MTOR: variants seen among roughly 807,000 people sequenced by gnomAD.
MTOR encodes the protein serine/threonine-protein kinase mTOR.
A neutral mutation model predicts 319.8 loss-of-function variants in MTOR; 70 were observed. That is an observed-to-expected ratio of 0.22 (90% CI 0.18 to 0.27). The LOEUF (loss-of-function observed/expected upper bound fraction) is 0.27, where lower values mean the gene tolerates loss of function less well. MTOR is among the 10% of genes least tolerant of loss of function. The probability of loss-of-function intolerance (pLI) is 1.00; values close to 1 mark genes in which losing one functional copy is unlikely to be tolerated. For synonymous variants in MTOR, 1,183 were observed against 1,211.4 expected (o/e 0.98, Z 0.49); for missense variants, 1,890 against 3,274.4 (o/e 0.58, Z 10.32).
At chr1:11,134,071 A>C (rs1643289243) in intron 37 of MTOR, among the ~76,000 whole-genome samples, 1 of 151,042 alleles carries the variant, frequency 6.6e-6, no homozygotes, top group Non-Finnish European at 1.5e-5. Flanking sequence ...AAAAAAAAAA[A>C]AGGGAGGGGC....
rs779092282 is a variant in MTOR at position 11,258,593 on chromosome 1, T to C, written c.163A>G (p.Met55Val). The C allele has an allele frequency of 1.2e-6, 2 of 1,606,664 alleles. No homozygotes were observed. The highest frequency in any genetic ancestry group is 1.7e-6 in the Non-Finnish European group (2 of 1,174,236). Residue 55 changes from methionine to valine, a missense_variant and splice_region_variant, in exon 3 of 58, where the codon ATG (methionine) becomes GTG (valine). Coordinates refer to ENST00000361445, the MANE Select transcript of MTOR (RefSeq NM_004958.4). Reference sequence around the variant, plus strand: ...AAGCGAGTAGACTCCTCTTGACTCATCTGCAAAAGAAGATATAATCAGAAC... The same window carrying C: ...AAGCGAGTAGACTCCTCTTGACTCACCTGCAAAAGAAGATATAATCAGAAC... The part of the protein sequence containing the change: ...QHYVTMELRE[M>V]SQEESTRFYD...
In MTOR at chr1:11,134,342, G is replaced by A. The variant is rs192160564; in HGVS notation, c.5246+9C>T. On this transcript the variant is annotated intron_variant, in intron 37 of 57. Transcript: ENST00000361445. ...AATATGACTTGCCCCAGGTCAGTGG[G>A]GACCTCACCGGGCCATGAGCTTGTG... 4,628 of 1,612,576 alleles carry A rather than the reference G, an allele frequency of 2.9e-3. 146 individuals carry two copies. The Admixed American group carries it at 0.062, about 22-fold the overall frequency.
chr1:11,233,304 T>G, intron 15 of MTOR, 94 bp downstream of exon 15: 1 of 1,188,626 alleles, frequency 8.4e-7, no homozygotes, highest in Non-Finnish European at 1.2e-6. Flanking sequence ...TGTGAGACCT[T>G]TCATTTAAAA....
intron 53 of MTOR, among the ~76,000 whole-genome samples, chr1:11,113,222 C>G (rs1038401336): frequency 6.6e-6 from 1 of 152,130 alleles, no homozygotes; most frequent in African/African-American, 2.4e-5. Flanking sequence ...GGTGGCAGAA[C>G]AAAGGGTAGA....
In MTOR at chr1:11,225,697, T is replaced by C. The variant is rs571302907; in HGVS notation, c.3030+2971A>G. On this transcript the variant is annotated intron_variant, in intron 19 of 57. Transcript: ENST00000361445. ...TTGGCCTCCCAAAGTGCTGGGATTA[T>C]AGGCATGAGCCACCGCACCTGGCCG... 1.7e-4 allele frequency among the ~76,000 whole-genome samples: 26 copies of C among 152,194 alleles called. No homozygotes were observed. The South Asian group carries it at 5.2e-3, about 30-fold the overall frequency.
At chr1:11,219,832 T>C (rs1240270735) in intron 19 of MTOR, among the ~76,000 whole-genome samples, 1 of 151,766 alleles carries the variant, frequency 6.6e-6, no homozygotes, top group African/African-American at 2.4e-5. Context: ...AAGACCAGCC[T>C]GGGCAACATG....
At chr1:11,156,886 A>G (rs1644335374) in intron 30 of MTOR, among the ~76,000 whole-genome samples, 1 of 152,224 alleles carries the variant, frequency 6.6e-6, no homozygotes, top group Non-Finnish European at 1.5e-5. Context: ...GAGAGTAGAC[A>G]GGAGAAGTAG....
At chr1:11,194,349 T>C in intron 28 of MTOR, 1 of 984,572 alleles carries the variant, frequency 1.0e-6, no homozygotes, top group Non-Finnish European at 1.6e-6. Flanking sequence ...CTTATTAGAT[T>C]CACACCTATA....
Position 11,231,328 on chromosome 1 carries a change from G to A in MTOR, c.2621C>T (p.Thr874Ile), listed in dbSNP as rs1268301996. Residue 874 changes from threonine (T) to isoleucine (I), a missense_variant, in exon 17 of 58, where the codon ACT becomes ATT. Thr to Ile is a moderately conservative substitution (Grantham distance 89). Coordinates refer to ENST00000361445, the MANE Select transcript of MTOR (RefSeq NM_004958.4). ...TCTGCGTGTACCCTGGTTCTGCTCA[G>A]TCTTCAGAAAATTCAGTAGCACCTC... ...LLEVLLNFLK[T>I]EQNQGTRREA... is the part of the protein sequence containing the mutation. The A allele has an allele frequency of 1.2e-6, 2 of 1,613,992 alleles. No individual in the cohort carries two copies. The highest frequency in any genetic ancestry group is 1.7e-6 in the Non-Finnish European group (2 of 1,180,018).
At chr1:11,228,016 G>A (rs1378175582) in intron 19 of MTOR, among the ~76,000 whole-genome samples, 3 of 152,100 alleles carry the variant, frequency 2.0e-5, no homozygotes, top group Non-Finnish European at 4.4e-5. Context: ...CCAGTAAGAA[G>A]CATTCAACTT....
chr1:11,228,955 T>A (rs1646933239), intron 18 of MTOR, 37 bp from the exon 19 acceptor site: 1 of 1,606,302 alleles, frequency 6.2e-7, no homozygotes, highest in Non-Finnish European at 8.5e-7. Context: ...GAGCTACACA[T>A]GGCATGACGT....
At position 11,128,884 on chromosome 1, in the gene MTOR, T is replaced by C. The variant is rs1338398054; in HGVS notation, c.5782A>G (p.Lys1928Glu). The C allele has an allele frequency of 6.2e-7, 1 of 1,613,978 alleles. No individual in the cohort carries two copies. Among genetic ancestry groups the C allele is most frequent in the Admixed American group, 1.7e-5 (1 of 60,002 alleles). Residue 1928 changes from lysine to glutamate, a missense_variant, in exon 41 of 58, where the codon AAA becomes GAA. Coordinates refer to ENST00000361445, the MANE Select transcript of MTOR (RefSeq NM_004958.4). This position sits in a 1 kb window ranked among gnomAD's most constrained non-coding sequence, Gnocchi z 5.3. ...DVNEALVEGV[K>E]AIQIDTWLQV... ...AGCCAGGTATCAATCTGGATGGCTT[T>C]CACCCCCTCCACTAAGGCCTCATTG...
rs1484051539 is a variant in MTOR, at chr1:11,247,652, C to T, written c.1198G>A (p.Ala400Thr). The change falls in exon 8 of 58, where the codon GCT becomes ACT. Residue 400 changes from alanine to threonine, a missense_variant. This residue lies in a region of MTOR where 418 missense variants were observed against 543.1 expected (regional missense o/e 0.77). Transcript: ENST00000361445. ...MTILNLLPRL[A>T]AFRPSAFTDT... ...GTGAAGGCAGAAGGTCGGAATGCAG[C>T]CAAGCGGGGCAACAAATTAAGGATT... is the stretch of plus-strand genomic sequence containing the variant. 9 of 1,613,994 alleles carry T rather than the reference C, an allele frequency of 5.6e-6. No homozygotes were observed. The highest frequency in any genetic ancestry group is 7.6e-6 in the Non-Finnish European group (9 of 1,180,048).
intron 19 of MTOR, among the ~76,000 whole-genome samples, chr1:11,227,556 A>G (rs1646885504): frequency 1.3e-5 from 2 of 152,160 alleles, no homozygotes; most frequent in Non-Finnish European, 2.9e-5. Flanking sequence ...CAGGAACTAC[A>G]AAGCTACTCT....
At chr1:11,244,500 G>A (rs1648553823) in intron 8 of MTOR, among the ~76,000 whole-genome samples, 1 of 151,604 alleles carries the variant, frequency 6.6e-6, no homozygotes, top group South Asian at 2.1e-4. Flanking sequence ...AGGCATGGTA[G>A]TGCGCCTGTA....
chr1:11,203,829 T>G (rs760051807), intron 26 of MTOR, among the ~76,000 whole-genome samples: 3 of 152,162 alleles, frequency 2.0e-5, no homozygotes, highest in Non-Finnish European at 4.4e-5. Flanking sequence ...GTGGCTGCCT[T>G]GAGCAACAGG....
At chr1:11,220,429 G>C (rs1437589414) in intron 19 of MTOR, among the ~76,000 whole-genome samples, 3 of 152,062 alleles carry the variant, frequency 2.0e-5, no homozygotes, top group Non-Finnish European at 4.4e-5. Context: ...TAAAAAGAGG[G>C]TGAAATAAAG....
chr1:11,114,177 G>T, intron 53 of MTOR, 141 bp downstream of exon 53: 3 of 947,184 alleles, frequency 3.2e-6, no homozygotes, highest in Non-Finnish European at 4.7e-6. Context: ...TTCAGTTTTT[G>T]CAGAAAGGGG....
chr1:11,213,828 T>C (rs1646385870), intron 20 of MTOR, among the ~76,000 whole-genome samples: 3 of 152,202 alleles, frequency 2.0e-5, no homozygotes, highest in Non-Finnish European at 4.4e-5. Context: ...CTGCCTAGAA[T>C]CCCACTTCTT....
Sources: gnomAD v4.1 joint callset for allele counts (sites outside exome capture counted in the v4.1 genomes callset) on GRCh38, gnomAD v4.1.1 for gene constraint, gnomAD v4.1.1 regional missense constraint, Gnocchi (gnomAD v3.1) non-coding constraint, MANE v1.5 for transcripts, NCBI Gene and HGNC (gene_info 2026-07-23, HGNC 2026-07-21) for gene names.